The following UBASH3B variants were observed in gnomAD, a reference collection of about 807,000 sequenced individuals.
The protein encoded by UBASH3B is ubiquitin-associated and SH3 domain-containing protein B.
In UBASH3B, 37 loss-of-function variants were observed where a neutral mutation model predicts 83.4. The observed-to-expected ratio is 0.44, with a 90% confidence interval of 0.34 to 0.58. The LOEUF is 0.58. Ranked by LOEUF, UBASH3B falls within the 20% of genes least tolerant of loss-of-function variation. UBASH3B has a pLI of 0.01. For synonymous variants in UBASH3B, 304 were observed against 318.3 expected (o/e 0.96, Z 0.48); for missense variants, 657 against 827.2 (o/e 0.79, Z 2.52).
intron 1 of UBASH3B, among the ~76,000 whole-genome samples, chr11:122,693,175 C>T (rs1014703612): frequency 2.0e-5 from 3 of 151,764 alleles, no homozygotes; most frequent in African/African-American, 4.8e-5. Context: ...AGGGTGGGGG[C>T]GATTACAAAG....
chr11:122,702,558 CTT>C (rs1864055368), intron 1 of UBASH3B, among the ~76,000 whole-genome samples: 2 of 150,478 alleles, frequency 1.3e-5, no homozygotes, highest in Admixed American at 1.3e-4. Flanking sequence ...GAATTTTGCT[CTT>C]GTCGCCGAGG....
At chr11:122,713,815 A>G (rs1441173375) in intron 1 of UBASH3B, among the ~76,000 whole-genome samples, 1 of 151,918 alleles carries the variant, frequency 6.6e-6, no homozygotes, top group African/African-American at 2.4e-5. Context: ...CTTGGGGAAC[A>G]TGGGAATCTG....
intron 1 of UBASH3B, among the ~76,000 whole-genome samples, chr11:122,731,563 T>G (rs1565544949): frequency 6.6e-6 from 1 of 151,832 alleles, no homozygotes; most frequent in African/African-American, 2.4e-5. Context: ...AGGCGGAGAG[T>G]GCAAACAGTG....
In UBASH3B at chr11:122,674,207, A is replaced by G. The variant is rs1342893593; in HGVS notation, c.161+17997A>G. ...ACAGAGATGTAAACGGTGCTATGGAATCATGAAAGAGCTAGTGAAAATAAC... is the reference window on the plus strand; with the variant it reads ...ACAGAGATGTAAACGGTGCTATGGAGTCATGAAAGAGCTAGTGAAAATAAC... On this transcript the variant is annotated intron_variant, in intron 1 of 13. Transcript: ENST00000284273. Among the ~76,000 whole-genome samples, 4 of 152,202 alleles carry G rather than the reference A, an allele frequency of 2.6e-5. 1 individual carries two copies. The highest frequency in any genetic ancestry group is 2.0e-4 in the Admixed American group (3 of 15,274).
At chr11:122,741,619 C>T (rs1399334998) in intron 1 of UBASH3B, among the ~76,000 whole-genome samples, 3 of 152,170 alleles carry the variant, frequency 2.0e-5, no homozygotes, top group Non-Finnish European at 4.4e-5. Context: ...GAGACATTTG[C>T]GTTATGAGGC....
At chr11:122,716,859 C>T (rs1860533844) in intron 1 of UBASH3B, among the ~76,000 whole-genome samples, 1 of 151,990 alleles carries the variant, frequency 6.6e-6, no homozygotes, top group South Asian at 2.1e-4. Context: ...AAAGCCTTGC[C>T]TTTTCTCTCG....
At chr11:122,787,600 G>T (rs1406587871) in intron 5 of UBASH3B, among the ~76,000 whole-genome samples, 2 of 152,156 alleles carry the variant, frequency 1.3e-5, no homozygotes, top group African/African-American at 4.8e-5. Context: ...CAGCCAATTA[G>T]TTCACAGGCC....
At chr11:122,795,664 G>T (rs1009076370) in intron 7 of UBASH3B, among the ~76,000 whole-genome samples, 11 of 152,154 alleles carry the variant, frequency 7.2e-5, no homozygotes, top group African/African-American at 2.7e-4. Flanking sequence ...AGGAAAACAG[G>T]GTCTCATTAC....
chr11:122,799,888 C>G (rs1861222185), intron 10 of UBASH3B, among the ~76,000 whole-genome samples: 1 of 152,114 alleles, frequency 6.6e-6, no homozygotes, highest in Non-Finnish European at 1.5e-5. Flanking sequence ...TTACTTCTAC[C>G]AAGAAATGAA....
rs1229813198 is a variant in UBASH3B, at chr11:122,777,033, C to G, written c.225C>G (p.Ser75=). 3.3e-5 allele frequency: 53 copies of G among 1,607,426 alleles called. No homozygotes were observed. The East Asian group carries it at 1.2e-3, about 35-fold the overall frequency. The change falls in exon 3 of 14, where the codon TCC becomes TCG. Residue 75 remains serine, a synonymous_variant. Coordinates refer to ENST00000284273, the MANE Select transcript of UBASH3B (RefSeq NM_032873.5). ...TACTTCTGTCTTACAGGTTATTCTC[C>G]CATGTCGGTGACCCCTTCCTGGATG... ...SVQAACDWLF[S]HVGDPFLDDP...
intron 1 of UBASH3B, among the ~76,000 whole-genome samples, chr11:122,741,811 C>T (rs1023668019): frequency 5.9e-5 from 9 of 152,150 alleles, no homozygotes; most frequent in African/African-American, 1.9e-4. Flanking sequence ...GCTCTTCCCC[C>T]CTCCCTCCCA....
intron 1 of UBASH3B, among the ~76,000 whole-genome samples, chr11:122,721,086 A>G (rs1333510969): frequency 6.7e-6 from 1 of 148,820 alleles, no homozygotes. Context: ...TCTACCAAAA[A>G]TACAAAAAAT....
intron 1 of UBASH3B, among the ~76,000 whole-genome samples, chr11:122,710,781 A>C (rs1294469618): frequency 6.6e-6 from 1 of 151,912 alleles, no homozygotes; most frequent in African/African-American, 2.4e-5. Flanking sequence ...CCCATGCCGC[A>C]TACCACTTCC....
At chr11:122,671,817 G>C (rs895666170) in intron 1 of UBASH3B, among the ~76,000 whole-genome samples, 1 of 152,248 alleles carries the variant, frequency 6.6e-6, no homozygotes, top group African/African-American at 2.4e-5. Flanking sequence ...CTCCCAGGGG[G>C]TGTTGAGTAA....
In UBASH3B at chr11:122,733,090, C is replaced by T. The variant is rs575215760; in HGVS notation, c.162-43129C>T. Reference sequence around the variant, plus strand: ...ATTGGCTTTTCTCTCTTTAAAGACTCGAAGCCTTTGTGCTAAACAGAAAAT... The same window carrying T: ...ATTGGCTTTTCTCTCTTTAAAGACTTGAAGCCTTTGTGCTAAACAGAAAAT... On this transcript the variant is annotated intron_variant, in intron 1 of 13. Transcript: ENST00000284273. Among the ~76,000 whole-genome samples, 17 of 152,288 alleles carry T rather than the reference C, an allele frequency of 1.1e-4. No homozygotes were observed. The South Asian group carries it at 2.1e-3, about 19-fold the overall frequency.
At chr11:122,804,923 CG>C (rs1179546563) in intron 11 of UBASH3B, among the ~76,000 whole-genome samples, 1 of 152,060 alleles carries the variant, frequency 6.6e-6, no homozygotes, top group Non-Finnish European at 1.5e-5. Context: ...CATAGTTAAG[CG>C]GGGGTGGAGG....
intron 1 of UBASH3B, among the ~76,000 whole-genome samples, chr11:122,674,450 A>G (rs1488942486): frequency 2.1e-5 from 3 of 144,012 alleles, no homozygotes; most frequent in African/African-American, 7.8e-5. Context: ...GCGCGATCTC[A>G]GTTCACTGCA....
At chr11:122,707,163 C>G (rs993285388) in intron 1 of UBASH3B, among the ~76,000 whole-genome samples, 1 of 152,150 alleles carries the variant, frequency 6.6e-6, no homozygotes, top group Non-Finnish European at 1.5e-5. Flanking sequence ...CCGCCTACCC[C>G]ATAGACCCCT....
chr11:122,688,978 C>CGGG (rs60342970), intron 1 of UBASH3B, among the ~76,000 whole-genome samples: 1 of 135,542 alleles, frequency 7.4e-6, no homozygotes, highest in African/African-American at 3.2e-5. Flanking sequence ...GGCGGGGAGG[C>CGGG]GGGGGGGGGG....
Sources: gnomAD v4.1 joint callset for allele counts (sites outside exome capture counted in the v4.1 genomes callset) on GRCh38, gnomAD v4.1.1 for gene constraint, MANE v1.5 for transcripts, NCBI Gene and HGNC (gene_info 2026-07-23, HGNC 2026-07-21) for gene names.